EPHB2: variants seen among roughly 807,000 people sequenced by gnomAD.
EPHB2 encodes ephrin type-B receptor 2.
EPHB2 carries 18 observed loss-of-function variants against 96.4 expected under a neutral mutation model. That is an observed-to-expected ratio of 0.19 (90% CI 0.13 to 0.28). The LOEUF is 0.28. EPHB2 is among the 10% of genes least tolerant of loss of function. The pLI is 1.00. For synonymous variants in EPHB2, 506 were observed against 534.1 expected (o/e 0.95, Z 0.72); for missense variants, 989 against 1,355.4 (o/e 0.73, Z 4.25).
chr1:22,728,372 A>G lies in EPHB2; in HGVS notation c.61+17329A>G, dbSNP rs556204993. ...GTGTGGAATTGGTATGATTATCTCCACTTTGCAGAGGAGGAAACTGAGCCT... is the reference window on the plus strand; with the variant it reads ...GTGTGGAATTGGTATGATTATCTCCGCTTTGCAGAGGAGGAAACTGAGCCT... On this transcript the variant is annotated intron_variant, in intron 1 of 15. Coordinates refer to ENST00000374630, the MANE Select transcript of EPHB2 (RefSeq NM_017449.5). Among the ~76,000 whole-genome samples the G allele has an allele frequency of 3.3e-5, 5 of 152,338 alleles. No homozygotes were observed. The South Asian group carries it at 8.3e-4, about 25-fold the overall frequency.
Position 22,784,418 on chromosome 1 carries a change from G to T in EPHB2, c.153G>T (p.Glu51Asp), listed in dbSNP as rs569209811. The T allele has an allele frequency of 6.2e-7, 1 of 1,614,202 alleles. No homozygotes were observed. The highest frequency in any genetic ancestry group is 1.3e-5 in the African/African-American group (1 of 75,068). Residue 51 changes from glutamate (E) to aspartate (D), a missense_variant, in exon 3 of 16, where the codon GAG becomes GAT. Coordinates refer to ENST00000374630, the MANE Select transcript of EPHB2 (RefSeq NM_017449.5). This position sits in a 1 kb window ranked among gnomAD's most constrained non-coding sequence, Gnocchi z 5.1. Reference protein sequence around the residue: ...SGWEEVSGYDENMNTIRTYQV... With the variant: ...SGWEEVSGYDDNMNTIRTYQV... ...GGGAAGAGGTGAGTGGCTACGATGA[G>T]AACATGAACACGATCCGCACGTACC...
chr1:22,740,740 GTCTC>G (rs1643891505), intron 1 of EPHB2, among the ~76,000 whole-genome samples: 1 of 149,968 alleles, frequency 6.7e-6, no homozygotes, highest in Non-Finnish European at 1.5e-5. Flanking sequence ...TTCCCCGCCC[GTCTC>G]ATCCCTCCCA....
intron 3 of EPHB2, among the ~76,000 whole-genome samples, chr1:22,861,054 G>A (rs1445932341): frequency 6.6e-6 from 1 of 152,178 alleles, no homozygotes; most frequent in Non-Finnish European, 1.5e-5. Context: ...CTTGTCTAAG[G>A]TCTCTCAGCA....
At chr1:22,771,827 C>A (rs1644383040) in intron 1 of EPHB2, among the ~76,000 whole-genome samples, 1 of 152,134 alleles carries the variant, frequency 6.6e-6, no homozygotes, top group Non-Finnish European at 1.5e-5. Flanking sequence ...AATCACTGGG[C>A]AAATGCTGGC....
At chr1:22,763,637 G>A (rs1644266206) in intron 1 of EPHB2, among the ~76,000 whole-genome samples, 1 of 152,212 alleles carries the variant, frequency 6.6e-6, no homozygotes, top group African/African-American at 2.4e-5. Flanking sequence ...GGGTGTGAGA[G>A]ATGGCCACTT....
At chr1:22,804,572 C>A (rs1570309651) in intron 3 of EPHB2, among the ~76,000 whole-genome samples, 2 of 152,052 alleles carry the variant, frequency 1.3e-5, no homozygotes, top group South Asian at 4.2e-4. Flanking sequence ...TCCTCAGCCA[C>A]CCTCCTTAGC....
chr1:22,882,576 G>A (rs557152248), intron 6 of EPHB2, 93 bp downstream of exon 6: 38 of 1,582,320 alleles, frequency 2.4e-5, no homozygotes, highest in African/African-American at 2.7e-5. Context: ...ACCGCAAGAT[G>A]AGACGCACTG....
chr1:22,733,876 A>G lies in EPHB2; in HGVS notation c.61+22833A>G, dbSNP rs111645848. Among the ~76,000 whole-genome samples the G allele has an allele frequency of 1.0e-4, 14 of 138,406 alleles. No individual in the cohort carries two copies. The highest frequency in any genetic ancestry group is 1.4e-4 in the Non-Finnish European group (9 of 63,290). The allele number at this position is 138,406 out of a possible 152,430, so 90.8% of individuals were successfully genotyped here. On this transcript the variant is annotated intron_variant, in intron 1 of 15. Transcript: ENST00000374630. This position sits in a 1 kb window ranked among gnomAD's most constrained non-coding sequence, Gnocchi z 4.6. Reference sequence around the variant, plus strand: ...AGTTGAACCCGGGACTGGATTCTTGACCTGGTATGATTTGGTGGGGACGGA... The same window carrying G: ...AGTTGAACCCGGGACTGGATTCTTGGCCTGGTATGATTTGGTGGGGACGGA...
intron 3 of EPHB2, among the ~76,000 whole-genome samples, chr1:22,826,954 T>C (rs921516530): frequency 2.0e-5 from 3 of 152,140 alleles, no homozygotes; most frequent in African/African-American, 7.2e-5. Context: ...TGTCCCACAG[T>C]CCCCTCCCCC....
intron 3 of EPHB2, among the ~76,000 whole-genome samples, chr1:22,828,039 T>C (rs1171704729): frequency 1.3e-5 from 2 of 152,188 alleles, no homozygotes; most frequent in Non-Finnish European, 2.9e-5. Flanking sequence ...CCACTTTTGA[T>C]GCCCAAGCAA....
chr1:22,782,798 T>C (rs2817901), intron 2 of EPHB2, among the ~76,000 whole-genome samples: 133,463 of 152,130 alleles, frequency 0.88, 58,900 homozygotes, highest in Non-Finnish European at 0.93. Flanking sequence ...ATTAATGCAA[T>C]GTAGGGAGCT....
At chr1:22,766,898 A>G (rs1161901719) in intron 1 of EPHB2, among the ~76,000 whole-genome samples, 1 of 152,342 alleles carries the variant, frequency 6.6e-6, no homozygotes, top group South Asian at 2.1e-4. Flanking sequence ...TGGGGAGCTG[A>G]TGAACTGACT....
At chr1:22,806,171 G>A (rs1644922142) in intron 3 of EPHB2, among the ~76,000 whole-genome samples, 1 of 152,186 alleles carries the variant, frequency 6.6e-6, no homozygotes. Flanking sequence ...ATGAATAATA[G>A]CCATTGATGT....
intron 3 of EPHB2, among the ~76,000 whole-genome samples, chr1:22,829,451 G>T (rs940898539): frequency 1.2e-4 from 18 of 152,354 alleles, no homozygotes; most frequent in Admixed American, 3.9e-4. Context: ...CCAAGCCAGG[G>T]TGTAAGACCA....
intron 3 of EPHB2, among the ~76,000 whole-genome samples, chr1:22,833,491 T>A (rs997047119): frequency 6.6e-6 from 1 of 152,084 alleles, no homozygotes; most frequent in Non-Finnish European, 1.5e-5. Context: ...AGGAATAGGA[T>A]TGGAATTACA....
At chr1:22,723,385 G>A (rs573668041) in intron 1 of EPHB2, among the ~76,000 whole-genome samples, 3 of 152,212 alleles carry the variant, frequency 2.0e-5, no homozygotes, top group East Asian at 1.9e-4. Flanking sequence ...CTCCGTCAGC[G>A]TCAGCTGTCA....
intron 1 of EPHB2, among the ~76,000 whole-genome samples, chr1:22,744,541 A>G (rs1643943138): frequency 1.3e-5 from 2 of 150,344 alleles, no homozygotes; most frequent in African/African-American, 4.9e-5. Context: ...TAAGCTGGGC[A>G]TGGTGGTGTG....
chr1:22,877,584 C>T (rs1204366951), intron 5 of EPHB2, among the ~76,000 whole-genome samples: 2 of 152,164 alleles, frequency 1.3e-5, no homozygotes, highest in African/African-American at 4.8e-5. Flanking sequence ...TGTATGGCTG[C>T]TCCAAGACCC....
chr1:22,812,255 G>A (rs1295903330), intron 3 of EPHB2, among the ~76,000 whole-genome samples: 1 of 152,212 alleles, frequency 6.6e-6, no homozygotes, highest in Non-Finnish European at 1.5e-5. Flanking sequence ...AGCTTCCAGG[G>A]GAGCAGTGAA....
Sources: allele counts gnomAD v4.1 joint callset (sites outside exome capture counted in the v4.1 genomes callset), GRCh38; gene constraint gnomAD v4.1.1; non-coding constraint Gnocchi (gnomAD v3.1); transcripts MANE v1.5; gene names NCBI Gene and HGNC (gene_info 2026-07-23, HGNC 2026-07-21).